TLE4: variants seen among roughly 807,000 people sequenced by gnomAD.
The protein encoded by TLE4 is transducin-like enhancer protein 4.
In TLE4, 8 loss-of-function variants were observed where a neutral mutation model predicts 92.8. The ratio of observed to expected loss-of-function variants is 0.09; its 90% confidence interval spans 0.05 to 0.16. The LOEUF (loss-of-function observed/expected upper bound fraction) is 0.16, where lower values mean the gene tolerates loss of function less well. Among genes scored for constraint, TLE4 ranks in the 10% least tolerant of loss-of-function variants. The probability of loss-of-function intolerance (pLI) is 1.00; values close to 1 mark genes in which losing one functional copy is unlikely to be tolerated. For synonymous variants in TLE4, 371 were observed against 374.1 expected, an observed-to-expected ratio of 0.99 and a Z score of 0.10; for missense variants, 675 against 997.6, an observed-to-expected ratio of 0.68 and a Z score of 4.36.
chr9:79,630,749 C>T (rs998040537), intron 6 of TLE4, among the ~76,000 whole-genome samples: 20 of 152,274 alleles, frequency 1.3e-4, no homozygotes, highest in Non-Finnish European at 2.5e-4. Flanking sequence ...TCTTAAAATG[C>T]TTTTTAAATC....
intron 5 of TLE4, among the ~76,000 whole-genome samples, chr9:79,616,076 A>G (rs2049510437): frequency 6.6e-6 from 1 of 152,186 alleles, no homozygotes; most frequent in Non-Finnish European, 1.5e-5. Context: ...TTATTCTTCA[A>G]AAAGCCATCT....
chr9:79,663,613 T>C (rs1191839664), intron 8 of TLE4: 1 of 152,160 alleles, frequency 6.6e-6, no homozygotes, highest in Non-Finnish European at 1.5e-5. Flanking sequence ...GGCATGTGTG[T>C]ATTCGGGTTT....
chr9:79,617,695 T>G (rs1436005332), intron 5 of TLE4, among the ~76,000 whole-genome samples: 3 of 152,170 alleles, frequency 2.0e-5, no homozygotes, highest in Non-Finnish European at 4.4e-5. Context: ...TTAACTTTTC[T>G]GGGCTGCAGT....
chr9:79,723,148 C>G, intron 19 of TLE4, 113 bp downstream of exon 19: 1 of 963,576 alleles, frequency 1.0e-6, no homozygotes, highest in South Asian at 1.5e-5. Context: ...TAGTATTATG[C>G]ACATTGTACA....
chr9:79,590,098 T>G (rs988071352), intron 4 of TLE4, among the ~76,000 whole-genome samples: 2 of 152,190 alleles, frequency 1.3e-5, no homozygotes, highest in African/African-American at 2.4e-5. Context: ...TTTTAAAGGC[T>G]TTTGATTTTG....
In TLE4 at chr9:79,722,587, A is replaced by G; in HGVS notation, c.2123A>G (p.Lys708Arg). The change falls in exon 18 of 20, where the codon AAG becomes AGG. Residue 708 changes from lysine (K) to arginine (R), a missense_variant. Lys to Arg is a conservative substitution (Grantham distance 26). Coordinates refer to ENST00000376552, the MANE Select transcript of TLE4 (RefSeq NM_007005.6). Reference sequence around the variant, plus strand: ...CATGAGAGCTGTGTGCTGTCGCTCAAGTTTGCCCATTGTGGTAAGCAAGCA... The same window carrying G: ...CATGAGAGCTGTGTGCTGTCGCTCAGGTTTGCCCATTGTGGTAAGCAAGCA... Reference protein sequence around the residue: ...HLHESCVLSLKFAHCGKWFVS... With the variant: ...HLHESCVLSLRFAHCGKWFVS... 1 of 1,614,094 alleles carries G rather than the reference A, an allele frequency of 6.2e-7. No homozygotes were observed. The highest frequency in any genetic ancestry group is 8.5e-7 in the Non-Finnish European group (1 of 1,180,008).
chr9:79,592,675 G>A (rs772765270), intron 4 of TLE4, among the ~76,000 whole-genome samples: 15 of 151,974 alleles, frequency 9.9e-5, no homozygotes, highest in East Asian at 1.9e-4. Context: ...TAACTTTTTC[G>A]TCTGTAAAGG....
intron 8 of TLE4, among the ~76,000 whole-genome samples, chr9:79,690,863 T>TGG (rs1356328558): frequency 1.4e-5 from 2 of 147,962 alleles, no homozygotes; most frequent in African/African-American, 5.0e-5. Flanking sequence ...CTCGAACTCT[T>TGG]GGACTCAAGC....
chr9:79,573,122 A>AGG, intron 1 of TLE4: 2 of 620,588 alleles, frequency 3.2e-6, no homozygotes, highest in Non-Finnish European at 4.5e-6. Flanking sequence ...CGACTCCTCG[A>AGG]GGGGGGGTGG....
intron 5 of TLE4, among the ~76,000 whole-genome samples, chr9:79,618,533 T>C (rs1289264692): frequency 6.6e-6 from 1 of 152,226 alleles, no homozygotes; most frequent in African/African-American, 2.4e-5. Flanking sequence ...ATGGTCATTG[T>C]TACCTTTAGA....
intron 5 of TLE4, among the ~76,000 whole-genome samples, chr9:79,616,625 T>C (rs919256564): frequency 2.0e-5 from 3 of 152,178 alleles, no homozygotes; most frequent in Admixed American, 2.0e-4. Flanking sequence ...AATCTATGTT[T>C]TTGTTTCCAT....
chr9:79,697,328 A>G (rs1477442869), intron 8 of TLE4, among the ~76,000 whole-genome samples: 3 of 152,182 alleles, frequency 2.0e-5, no homozygotes, highest in Non-Finnish European at 4.4e-5. Flanking sequence ...TGTTAATACC[A>G]TGCCATCTCT....
intron 6 of TLE4, among the ~76,000 whole-genome samples, chr9:79,640,105 C>T (rs1338765017): frequency 6.6e-6 from 1 of 152,048 alleles, no homozygotes; most frequent in Non-Finnish European, 1.5e-5. Context: ...GAATTCAGGA[C>T]ACCCTGGAAA....
At chr9:79,665,170 T>C (rs1172461233) in intron 8 of TLE4, among the ~76,000 whole-genome samples, 1 of 152,244 alleles carries the variant, frequency 6.6e-6, no homozygotes, top group Non-Finnish European at 1.5e-5. Context: ...GAGAGATTTT[T>C]CTGATTTGTT....
chr9:79,611,289 T>C lies in TLE4; in HGVS notation c.253-1367T>C, dbSNP rs188752998. On this transcript the variant is annotated intron_variant, in intron 4 of 19. Transcript: ENST00000376552. ...AGTAAATTAAATCAGGTCAGCACAG[T>C]TGGGTCCTTATTCACTGCAGCTTAT... Among the ~76,000 whole-genome samples the C allele has an allele frequency of 7.9e-5, 12 of 152,146 alleles. No homozygotes were observed. The East Asian group carries it at 9.7e-4, about 12-fold the overall frequency.
intron 8 of TLE4, among the ~76,000 whole-genome samples, chr9:79,683,425 G>T (rs934235277): frequency 6.6e-6 from 1 of 152,182 alleles, no homozygotes; most frequent in African/African-American, 2.4e-5. Flanking sequence ...ATATTCAGGT[G>T]TGGAGAGAAC....
chr9:79,723,570 C>T (rs192816258), intron 19 of TLE4, among the ~76,000 whole-genome samples: 1 of 152,248 alleles, frequency 6.6e-6, no homozygotes, highest in East Asian at 1.9e-4. Flanking sequence ...CATATATGCA[C>T]GCGTGCACAC....
intron 6 of TLE4, among the ~76,000 whole-genome samples, chr9:79,647,507 G>A (rs2058276014): frequency 6.6e-6 from 1 of 152,138 alleles, no homozygotes; most frequent in Non-Finnish European, 1.5e-5. Context: ...GATTATTGCT[G>A]CTTAAGATGT....
chr9:79,724,625 CTT>C (rs1259555498), intron 19 of TLE4, among the ~76,000 whole-genome samples: 3 of 151,914 alleles, frequency 2.0e-5, no homozygotes, highest in Non-Finnish European at 4.4e-5. Context: ...AAGAGGATCT[CTT>C]GAGCCCAGGA....
Sources: gnomAD v4.1 joint callset for allele counts (sites outside exome capture counted in the v4.1 genomes callset) on GRCh38, gnomAD v4.1.1 for gene constraint, MANE v1.5 for transcripts, NCBI Gene and HGNC (gene_info 2026-07-23, HGNC 2026-07-21) for gene names.